The following MEGF8 variants were observed in gnomAD, a reference collection of about 807,000 sequenced individuals.
MEGF8 encodes the protein multiple epidermal growth factor-like domains protein 8.
MEGF8 carries 156 observed loss-of-function variants against 302.9 expected under a neutral mutation model. That is an observed-to-expected ratio of 0.52 (90% CI 0.45 to 0.59). The LOEUF is 0.59. Among genes scored for constraint, MEGF8 ranks in the 20% least tolerant of loss-of-function variants. The probability of loss-of-function intolerance (pLI) is 0.00; values close to 1 mark genes in which losing one functional copy is unlikely to be tolerated. For synonymous variants in MEGF8, 1,621 were observed against 1,660.5 expected (o/e 0.98, Z 0.58); for missense variants, 3,345 against 3,964.5 (o/e 0.84, Z 4.20).
At chr19:42,372,366 A>AG (rs1452242038) in intron 41 of MEGF8, among the ~76,000 whole-genome samples, 1 of 152,114 alleles carries the variant, frequency 6.6e-6, no homozygotes, top group African/African-American at 2.4e-5. Flanking sequence ...TTCTGCACAG[A>AG]GGCTCCTGGA....
Position 42,368,562 on chromosome 19 carries a change from C to T in MEGF8, c.6381C>T (p.Cys2127=), listed in dbSNP as rs532126083. The change falls in exon 36 of 42, where the codon TGC becomes TGT. Residue 2127 remains cysteine (C), a synonymous_variant. Coordinates refer to ENST00000251268, the MANE Select transcript of MEGF8 (RefSeq NM_001271938.2). The surrounding 1 kb of genome is among the most constrained non-coding windows in gnomAD (Gnocchi z 4.9). ...TGGGCTGTGCTCAGGCAACTCAGTG[C>T]GCCTTGTGCCTGCGGCGCCCCCATT... ...CSLGCAQATQ[C]ALCLRRPHCG... is the part of the protein sequence containing the mutation. 13 of 1,595,264 alleles carry T rather than the reference C, an allele frequency of 8.1e-6. No individual in the cohort carries two copies. Among genetic ancestry groups the T allele is most frequent in the Middle Eastern group, 1.7e-4 (1 of 6,036 alleles).
intron 1 of MEGF8, among the ~76,000 whole-genome samples, chr19:42,329,339 G>A (rs2039025677): frequency 6.6e-6 from 1 of 152,200 alleles, no homozygotes; most frequent in African/African-American, 2.4e-5. Context: ...GATCTGGCAA[G>A]AGAGGATGAG....
At chr19:42,343,931 T>A in intron 9 of MEGF8, 23 bp from the exon 10 acceptor site, 1 of 1,609,614 alleles carries the variant, frequency 6.2e-7, no homozygotes, top group Non-Finnish European at 8.5e-7. Flanking sequence ...TGCCTCCCCC[T>A]CTGTCCCCTT....
Position 42,368,585 on chromosome 19 carries a change from A to G in MEGF8, c.6404A>G (p.His2135Arg). The change falls in exon 36 of 42, where the codon CAT becomes CGT. Residue 2135 changes from histidine to arginine, a missense_variant. Transcript: ENST00000251268. The surrounding 1 kb of genome is among the most constrained non-coding windows in gnomAD (Gnocchi z 4.9). ...TQCALCLRRP[H>R]CGWCAWGGQD... ...TGCGCCTTGTGCCTGCGGCGCCCCC[A>G]TTGCGGCTGGTGTGCCTGGGGGGGC... The G allele has an allele frequency of 6.3e-7, 1 of 1,581,138 alleles. No individual in the cohort carries two copies. The highest frequency in any genetic ancestry group is 8.6e-7 in the Non-Finnish European group (1 of 1,164,236).
intron 35 of MEGF8, among the ~76,000 whole-genome samples, chr19:42,364,678 C>T (rs1350106646): frequency 2.6e-5 from 4 of 152,198 alleles, no homozygotes; most frequent in African/African-American, 9.7e-5. Flanking sequence ...GTTTGCCTTG[C>T]GATCAAAAGC....
chr19:42,369,040 G>C lies in MEGF8; in HGVS notation c.6641+38G>C, dbSNP rs369195463. ...GCGGCGCTGGGGCCAGGCAGGCTAG[G>C]GTGGGAGAGTCTGTGGGGAGCAGTA... On this transcript the variant is annotated intron_variant, in intron 37 of 41. Coordinates refer to ENST00000251268, the MANE Select transcript of MEGF8 (RefSeq NM_001271938.2). The surrounding 1 kb of genome is among the most constrained non-coding windows in gnomAD (Gnocchi z 5.7). 6.2e-7 allele frequency: 1 copy of C among 1,605,820 alleles called. No individual in the cohort carries two copies. Among genetic ancestry groups the C allele is most frequent in the Non-Finnish European group, 8.5e-7 (1 of 1,177,836 alleles).
rs1012935524 is a variant in MEGF8, at chr19:42,378,687, G to C, written c.*1912G>C. ...CAGTGTGAGAGGCCCTAGCCAATGCGTGCATGTCAGAGGTGGTGGGGACCA... is the reference window on the plus strand; with the variant it reads ...CAGTGTGAGAGGCCCTAGCCAATGCCTGCATGTCAGAGGTGGTGGGGACCA... On this transcript the variant is annotated 3_prime_UTR_variant, in exon 42 of 42. Coordinates refer to ENST00000251268, the MANE Select transcript of MEGF8 (RefSeq NM_001271938.2). The C allele has an allele frequency of 6.5e-6, 1 of 153,732 alleles. No homozygotes were observed. The highest frequency in any genetic ancestry group is 1.5e-5 in the Non-Finnish European group (1 of 68,050). The allele number at this position is 153,732 out of a possible 1,614,324, so 9.5% of individuals were successfully genotyped here.
intron 12 of MEGF8, among the ~76,000 whole-genome samples, chr19:42,346,344 C>G (rs1212175606): frequency 6.6e-6 from 1 of 150,522 alleles, no homozygotes; most frequent in African/African-American, 2.4e-5. Flanking sequence ...GAGTTTGAGA[C>G]CAGCCTGGCC....
chr19:42,356,764 C>T lies in MEGF8; in HGVS notation c.4623-10C>T, dbSNP rs1363953722. On this transcript the variant is annotated splice_polypyrimidine_tract_variant and intron_variant, in intron 26 of 41. Coordinates refer to ENST00000251268, the MANE Select transcript of MEGF8 (RefSeq NM_001271938.2). The surrounding 1 kb of genome is among the most constrained non-coding windows in gnomAD (Gnocchi z 5.2). ...TGTAATGAGGCTGCTTTTTTGCACC[C>T]TGGCCCCAGGTACTCAGTGAGTGAG... 6.5e-7 allele frequency: 1 copy of T among 1,539,152 alleles called. No homozygotes were observed. Among genetic ancestry groups the T allele is most frequent in the Middle Eastern group, 2.2e-4 (1 of 4,542 alleles).
At chr19:42,345,694 G>T (rs1232819988) in intron 12 of MEGF8, among the ~76,000 whole-genome samples, 3 of 152,218 alleles carry the variant, frequency 2.0e-5, no homozygotes, top group Non-Finnish European at 4.4e-5. Flanking sequence ...CCATTCATCA[G>T]CTGATGGACG....
rs995944959 is a variant in MEGF8 at position 42,361,120 on chromosome 19, G to A, written c.5720+114G>A. On this transcript the variant is annotated intron_variant, in intron 32 of 41. Transcript: ENST00000251268. Reference sequence around the variant, plus strand: ...AGTATACCGTCTGGTTCAGGAAAGGGGTGAATCACCGCAGGCAGGGTGGCC... The same window carrying A: ...AGTATACCGTCTGGTTCAGGAAAGGAGTGAATCACCGCAGGCAGGGTGGCC... The A allele has an allele frequency of 9.6e-6, 11 of 1,151,226 alleles. No homozygotes were observed. In the Admixed American group the frequency reaches 3.5e-4, roughly 37 times the overall value. 71.3% of individuals were successfully genotyped at this position (1,151,226 alleles called of 1,614,324 possible). A position where few individuals can be genotyped will look rare whatever the true frequency, so the allele number is the denominator to read the frequency against.
rs984775370 is a variant in MEGF8 at position 42,377,007 on chromosome 19, G to A, written c.*232G>A. 8 of 454,720 alleles carry A rather than the reference G, an allele frequency of 1.8e-5. No homozygotes were observed. In the South Asian group the frequency reaches 2.1e-4, roughly 12 times the overall value. The allele number at this position is 454,720 out of a possible 1,614,324, so 28.2% of individuals were successfully genotyped here. On this transcript the variant is annotated 3_prime_UTR_variant, in exon 42 of 42. Coordinates refer to ENST00000251268, the MANE Select transcript of MEGF8 (RefSeq NM_001271938.2). Reference sequence around the variant, plus strand: ...TGGGGCAAAGCAGGAACCAAGAGACGAGGTTCCCTGATCTCATGGGACTTA... The same window carrying A: ...TGGGGCAAAGCAGGAACCAAGAGACAAGGTTCCCTGATCTCATGGGACTTA...
At position 42,336,775 on chromosome 19, in the gene MEGF8, C is replaced by T. The variant is rs1425611823; in HGVS notation, c.1245-32C>T. ...GAGGAGGGAGAGAGACGCTTCCTGC[C>T]CTGAGCCCCTGCCCTGCTTCTCCTT... On this transcript the variant is annotated intron_variant, in intron 6 of 41. Coordinates refer to ENST00000251268, the MANE Select transcript of MEGF8 (RefSeq NM_001271938.2). This position sits in a 1 kb window ranked among gnomAD's most constrained non-coding sequence, Gnocchi z 4.8. 10 of 1,550,502 alleles carry T rather than the reference C, an allele frequency of 6.4e-6. No homozygotes were observed. The highest frequency in any genetic ancestry group is 1.4e-5 in the African/African-American group (1 of 72,336).
intron 9 of MEGF8, 147 bp from the exon 10 acceptor site, chr19:42,343,807 C>T (rs1223307706): frequency 7.3e-6 from 10 of 1,361,284 alleles, no homozygotes; most frequent in Admixed American, 2.7e-5. Flanking sequence ...GGTCCCTGGG[C>T]CTGGGGGAGG....
intron 1 of MEGF8, among the ~76,000 whole-genome samples, chr19:42,327,043 C>A (rs1389105722): frequency 1.3e-5 from 2 of 152,176 alleles, no homozygotes; most frequent in Non-Finnish European, 2.9e-5. Context: ...AGGTGGTTTT[C>A]TTTCTCTGAG....
At position 42,349,555 on chromosome 19, in the gene MEGF8, C is replaced by A. The variant is rs768427844; in HGVS notation, c.2355C>A (p.Arg785=). ...AGAAGGAGACGCGGCGGCTGCAGCG[C>A]CCTGGGTCTGCTCGCCTCTTCCCTC... ...HQEKETRRLQ[R]PGSARLFPLP... Residue 785 remains arginine (R), a synonymous_variant, in exon 14 of 42, where the codon CGC becomes CGA. Transcript: ENST00000251268. 67 of 1,611,998 alleles carry A rather than the reference C, an allele frequency of 4.2e-5. No homozygotes were observed. Among genetic ancestry groups the A allele is most frequent in the Non-Finnish European group, 5.0e-5 (59 of 1,179,832 alleles).
Position 42,334,959 on chromosome 19 carries a change from C to T in MEGF8, c.559-76C>T, listed in dbSNP as rs1026873534. On this transcript the variant is annotated intron_variant, in intron 3 of 41. Transcript: ENST00000251268. Reference sequence around the variant, plus strand: ...TGTCTGTCTCATTCTGCCTCTTTTCCTCTCTGTGTCTCCTTTGTCTCTCTG... The same window carrying T: ...TGTCTGTCTCATTCTGCCTCTTTTCTTCTCTGTGTCTCCTTTGTCTCTCTG... The T allele has an allele frequency of 9.1e-6, 13 of 1,432,426 alleles. No homozygotes were observed. In the Admixed American group the frequency reaches 1.0e-4, roughly 11 times the overall value. 88.7% of individuals were successfully genotyped at this position (1,432,426 alleles called of 1,614,324 possible). A position where few individuals can be genotyped will look rare whatever the true frequency, so the allele number is the denominator to read the frequency against.
chr19:42,369,569 G>A lies in MEGF8; in HGVS notation c.6680G>A (p.Cys2227Tyr), dbSNP rs2039656346. ...GLCRPVCAQG[C>Y]VNGSCVEPDH... ...TGCCGCCCTGTGTGCGCCCAGGGCT[G>A]CGTGAACGGCTCATGTGTGGAGCCC... Residue 2227 changes from cysteine (C) to tyrosine (Y), a missense_variant, in exon 38 of 42, where the codon TGC (cysteine) becomes TAC (tyrosine). By Grantham distance (194) the Cys-to-Tyr change is radical. Transcript: ENST00000251268. The surrounding 1 kb of genome is among the most constrained non-coding windows in gnomAD (Gnocchi z 5.7). 1 of 1,611,498 alleles carries A rather than the reference G, an allele frequency of 6.2e-7. No homozygotes were observed. Among genetic ancestry groups the A allele is most frequent in the Non-Finnish European group, 8.5e-7 (1 of 1,179,766 alleles).
At position 42,356,710 on chromosome 19, in the gene MEGF8, A is replaced by G; in HGVS notation, c.4623-64A>G. 6.8e-7 allele frequency: 1 copy of G among 1,469,436 alleles called. No homozygotes were observed. Among genetic ancestry groups the G allele is most frequent in the Non-Finnish European group, 9.1e-7 (1 of 1,093,206 alleles). 91.0% of individuals were successfully genotyped at this position (1,469,436 alleles called of 1,614,324 possible). On this transcript the variant is annotated intron_variant, in intron 26 of 41. Coordinates refer to ENST00000251268, the MANE Select transcript of MEGF8 (RefSeq NM_001271938.2). The surrounding 1 kb of genome is among the most constrained non-coding windows in gnomAD (Gnocchi z 5.2). Reference sequence around the variant, plus strand: ...GGGGATGCGGGGACATCTGTCAGGCAGGGTCACCTTGAAGGATGCTGGGAT... The same window carrying G: ...GGGGATGCGGGGACATCTGTCAGGCGGGGTCACCTTGAAGGATGCTGGGAT...
Sources: allele counts gnomAD v4.1 joint callset (sites outside exome capture counted in the v4.1 genomes callset), GRCh38; gene constraint gnomAD v4.1.1; non-coding constraint Gnocchi (gnomAD v3.1); transcripts MANE v1.5; gene names NCBI Gene and HGNC (gene_info 2026-07-23, HGNC 2026-07-21).